SLA: variants seen among roughly 807,000 people sequenced by gnomAD.
SLA encodes Src like adaptor.
Under a neutral mutation model 30.3 loss-of-function variants are expected in SLA, and 16 were observed. The ratio of observed to expected loss-of-function variants is 0.53; its 90% confidence interval spans 0.36 to 0.80. The LOEUF (loss-of-function observed/expected upper bound fraction) is 0.80, where lower values mean the gene tolerates loss of function less well. Among genes scored for constraint, SLA ranks in the 30% least tolerant of loss-of-function variants. The pLI, the probability that SLA is intolerant of heterozygous loss-of-function variation, is 0.01. For missense variants in SLA, 310 were observed against 345.2 expected (o/e 0.90, Z 0.81); for synonymous variants, 143 against 137.8 (o/e 1.04, Z -0.26).
At chr8:133,076,346 T>C (rs964707018) in intron 1 of SLA, among the ~76,000 whole-genome samples, 1 of 152,216 alleles carries the variant, frequency 6.6e-6, no homozygotes, top group African/African-American at 2.4e-5. Flanking sequence ...GAAACCTCAC[T>C]TGGGGTAGTT....
intron 3 of SLA, among the ~76,000 whole-genome samples, chr8:133,053,406 T>A (rs775263668): frequency 1.2e-4 from 19 of 152,218 alleles, no homozygotes; most frequent in Non-Finnish European, 2.5e-4. Flanking sequence ...TTACTGAATG[T>A]GCAGAGCGGT....
intron 7 of SLA, among the ~76,000 whole-genome samples, chr8:133,044,582 G>A (rs1026157711): frequency 6.6e-6 from 1 of 152,130 alleles, no homozygotes; most frequent in Non-Finnish European, 1.5e-5. Flanking sequence ...TCATCGCAGA[G>A]GCGTTTCATG....
At chr8:133,073,075 T>C (rs958834281) in intron 2 of SLA, 1 of 152,246 alleles carries the variant, frequency 6.6e-6, no homozygotes, top group Non-Finnish European at 1.5e-5. Context: ...GTAAACTTCT[T>C]TCAAACATAC....
At chr8:133,059,672 G>A (rs16904814) in intron 3 of SLA, among the ~76,000 whole-genome samples, 4,948 of 152,196 alleles carry the variant, frequency 0.033, 249 homozygotes, top group African/African-American at 0.11. Context: ...CAGCTCTTGC[G>A]GGGCTAAGTA....
intron 1 of SLA, among the ~76,000 whole-genome samples, chr8:133,100,961 A>AT (rs113664419): frequency 0.32 from 47,781 of 151,590 alleles, 8,178 homozygotes; most frequent in African/African-American, 0.44. Flanking sequence ...ATTTAACACG[A>AT]TTTTTTTTCT....
At chr8:133,075,304 G>A (rs1018510993) in intron 1 of SLA, among the ~76,000 whole-genome samples, 174 bp from the exon 2 acceptor site, 1 of 152,154 alleles carries the variant, frequency 6.6e-6, no homozygotes, top group African/African-American at 2.4e-5. Flanking sequence ...GCCCACGAAG[G>A]CTGTGGCTAA....
At chr8:133,040,432 A>T (rs1465107345) in intron 7 of SLA, 1 of 337,884 alleles carries the variant, frequency 3.0e-6, no homozygotes, top group Non-Finnish European at 5.5e-6. Context: ...ATAGTAAATT[A>T]TCAAGAACGT....
intron 2 of SLA, among the ~76,000 whole-genome samples, chr8:133,070,293 C>A (rs148645854): frequency 6.6e-6 from 1 of 152,104 alleles, no homozygotes; most frequent in Non-Finnish European, 1.5e-5. Context: ...ATCCAGACAC[C>A]ACTGGAGCGA....
intron 1 of SLA, among the ~76,000 whole-genome samples, chr8:133,080,310 T>A (rs1204748254): frequency 6.6e-6 from 1 of 152,164 alleles, no homozygotes; most frequent in East Asian, 1.9e-4. Context: ...TTCCACTCAC[T>A]CTATGTATCT....
At chr8:133,096,470 C>A in intron 1 of SLA, 5 of 1,460,170 alleles carry the variant, frequency 3.4e-6, no homozygotes, top group South Asian at 1.2e-5. Flanking sequence ...TGACCAATTG[C>A]TGAGTAACTA....
At chr8:133,073,431 C>T (rs1266356864) in intron 2 of SLA, among the ~76,000 whole-genome samples, 1 of 152,166 alleles carries the variant, frequency 6.6e-6, no homozygotes, top group African/African-American at 2.4e-5. Flanking sequence ...TCTCAGCTCA[C>T]TGCAACCTGC....
At position 133,072,150 on chromosome 8, in the gene SLA, C is replaced by T. The variant is rs1216862946; in HGVS notation, c.-41+2703G>A. ...TCTACACACATATACACACCAAGTCCTCCAGCCCTGGTTGCAGTCTGCCTG... is the reference window on the plus strand; with the variant it reads ...TCTACACACATATACACACCAAGTCTTCCAGCCCTGGTTGCAGTCTGCCTG... On this transcript the variant is annotated intron_variant, in intron 2 of 8. Coordinates refer to ENST00000338087, the MANE Select transcript of SLA (RefSeq NM_001045556.3). Among the ~76,000 whole-genome samples, 3 of 152,298 alleles carry T rather than the reference C, an allele frequency of 2.0e-5. No homozygotes were observed. In the East Asian group the frequency reaches 5.8e-4, roughly 29 times the overall value.
chr8:133,047,654 C>A (rs1043356153), intron 6 of SLA, 176 bp downstream of exon 6: 1 of 629,428 alleles, frequency 1.6e-6, no homozygotes. Context: ...TGTCTCTAGT[C>A]CCCTTGCTTC....
intron 1 of SLA, among the ~76,000 whole-genome samples, chr8:133,086,795 T>A (rs144923509): frequency 6.6e-6 from 1 of 152,302 alleles, no homozygotes; most frequent in East Asian, 1.9e-4. Flanking sequence ...ATTGTTATGT[T>A]CCTTACAGAT....
chr8:133,069,072 G>A (rs889972922), intron 2 of SLA, among the ~76,000 whole-genome samples: 7 of 152,230 alleles, frequency 4.6e-5, no homozygotes, highest in African/African-American at 9.6e-5. Context: ...TAGGAAACAG[G>A]CCTTTTCTTT....
intron 3 of SLA, among the ~76,000 whole-genome samples, chr8:133,053,282 G>A (rs1840763299): frequency 6.6e-6 from 1 of 152,212 alleles, no homozygotes; most frequent in African/African-American, 2.4e-5. Context: ...ACTGTCAGGG[G>A]AATGCCCATC....
intron 2 of SLA, among the ~76,000 whole-genome samples, chr8:133,066,687 T>C (rs867887649): frequency 1.1e-4 from 16 of 152,360 alleles, no homozygotes; most frequent in Middle Eastern, 3.4e-3. Flanking sequence ...CCCAACCTAC[T>C]GGCTGTGTAT....
chr8:133,045,125 G>A lies in SLA; in HGVS notation c.353-10C>T, dbSNP rs1564110318. ...GACAGTGAGTAAAACCCTGCAGGAG[G>A]TGGAGGATAAGTCAGTGGGCTCCAC... On this transcript the variant is annotated splice_polypyrimidine_tract_variant and intron_variant, in intron 6 of 8. Transcript: ENST00000338087. 1 of 1,613,918 alleles carries A rather than the reference G, an allele frequency of 6.2e-7. No homozygotes were observed. Among genetic ancestry groups the A allele is most frequent in the Non-Finnish European group, 8.5e-7 (1 of 1,179,958 alleles).
rs761995367 is a variant in SLA, at chr8:133,045,030, C to G, written c.438G>C (p.Pro146=). 6.2e-7 allele frequency: 1 copy of G among 1,614,148 alleles called. No individual in the cohort carries two copies. Among genetic ancestry groups the G allele is most frequent in the Non-Finnish European group, 8.5e-7 (1 of 1,180,002 alleles). ...RLPNNWYYIS[P]RLTFQCLEDL... is the part of the protein sequence containing the mutation. ...CCTCCAGGCACTGGAAGGTGAGCCT[C>G]GGGGAAATGTAGTACCAGTTGTTGG... The change falls in exon 7 of 9, where the codon CCG becomes CCC. Residue 146 remains proline (P), a synonymous_variant. Transcript: ENST00000338087.
Sources: allele counts gnomAD v4.1 joint callset (sites outside exome capture counted in the v4.1 genomes callset), GRCh38; gene constraint gnomAD v4.1.1; transcripts MANE v1.5; gene names NCBI Gene and HGNC (gene_info 2026-07-23, HGNC 2026-07-21).